The following SSBP4 variants were observed in gnomAD, a reference collection of about 807,000 sequenced individuals.
The protein encoded by SSBP4 is single stranded DNA binding protein 4.
In SSBP4, 33 loss-of-function variants were observed where a neutral mutation model predicts 64.6. That is an observed-to-expected ratio of 0.51 (90% CI 0.39 to 0.68). The LOEUF (loss-of-function observed/expected upper bound fraction) is 0.68, where lower values mean the gene tolerates loss of function less well. Ranked by LOEUF, SSBP4 falls within the 30% of genes least tolerant of loss-of-function variation. The pLI is 0.00. For missense variants in SSBP4, 583 were observed against 566.8 expected (o/e 1.03, Z -0.29); for synonymous variants, 243 against 224.0 (o/e 1.08, Z -0.76).
chr19:18,433,375 G>C, intron 15 of SSBP4, 162 bp downstream of exon 15: 1 of 1,263,890 alleles, frequency 7.9e-7, no homozygotes, highest in Non-Finnish European at 1.1e-6. Flanking sequence ...AGCTGGAGGG[G>C]GATCCAGCGA....
At chr19:18,422,463 AGTGTTGGTTTGGAGGTGAG>A (rs1453418215) in intron 1 of SSBP4, among the ~76,000 whole-genome samples, 2 of 152,148 alleles carry the variant, frequency 1.3e-5, no homozygotes, top group Non-Finnish European at 2.9e-5. Flanking sequence ...GTCTCGTATA[AGTGTTGGTTTGGAGGTGAG>A]GTTCCTCTAT....
In SSBP4 at chr19:18,432,575, G is replaced by T; in HGVS notation, c.721G>T (p.Gly241Cys). Residue 241 changes from glycine (G) to cysteine (C), a missense_variant, in exon 11 of 18, where the codon GGC becomes TGC. Transcript: ENST00000270061. Reference sequence around the variant, plus strand: ...CTCTTCCAGGGGCCCAGGAGTTCGTGGCCCGTGGGCCAGCCCCAGTGGAAA... The same window carrying T: ...CTCTTCCAGGGGCCCAGGAGTTCGTTGCCCGTGGGCCAGCCCCAGTGGAAA... Reference protein sequence around the residue: ...PAMNMGPGVRGPWASPSGNSI... With the variant: ...PAMNMGPGVRCPWASPSGNSI... The T allele has an allele frequency of 6.3e-7, 1 of 1,576,492 alleles. No homozygotes were observed. The highest frequency in any genetic ancestry group is 8.6e-7 in the Non-Finnish European group (1 of 1,157,266).
At position 18,434,493 on chromosome 19, in the gene SSBP4, G is replaced by A. The variant is rs1238770262; in HGVS notation, c.*247G>A. 1.3e-6 allele frequency: 1 copy of A among 788,532 alleles called. No homozygotes were observed. 48.8% of individuals were successfully genotyped at this position (788,532 alleles called of 1,614,324 possible). Reference sequence around the variant, plus strand: ...GTCCCAGAGAGAAAGGCTCTTTGGGGGGCCCCTCTCCCCAGGACGTCAGGG... The same window carrying A: ...GTCCCAGAGAGAAAGGCTCTTTGGGAGGCCCCTCTCCCCAGGACGTCAGGG... On this transcript the variant is annotated 3_prime_UTR_variant, in exon 18 of 18. Transcript: ENST00000270061.
chr19:18,420,355 C>T (rs907305547), intron 1 of SSBP4, among the ~76,000 whole-genome samples: 8 of 152,054 alleles, frequency 5.3e-5, no homozygotes, highest in African/African-American at 1.7e-4. Context: ...CCCTTTTGTT[C>T]TGGGCGTGGC....
chr19:18,419,255 A>AC (rs1308588726), upstream of SSBP4: 37 of 987,976 alleles, frequency 3.7e-5, no homozygotes, highest in Non-Finnish European at 4.4e-5. Flanking sequence ...CCGCGCCCCC[A>AC]CCCCCCGCGG....
chr19:18,429,533 G>A (rs1973169976), intron 4 of SSBP4, among the ~76,000 whole-genome samples: 1 of 151,984 alleles, frequency 6.6e-6, no homozygotes, highest in Admixed American at 6.5e-5. Context: ...TGTGGCCCGT[G>A]AGGGGATTGC....
chr19:18,431,951 A>G (rs1212418070), intron 8 of SSBP4, 49 bp from the exon 9 acceptor site: 1 of 1,556,518 alleles, frequency 6.4e-7, no homozygotes, highest in Non-Finnish European at 8.7e-7. Context: ...CACTGTCCAC[A>G]CTGGGGAATG....
At chr19:18,421,169 C>T (rs752727139) in intron 1 of SSBP4, among the ~76,000 whole-genome samples, 30 of 152,254 alleles carry the variant, frequency 2.0e-4, no homozygotes, top group Non-Finnish European at 2.5e-4. Context: ...AGATGCCTGT[C>T]CCCTCTGCCC....
intron 1 of SSBP4, among the ~76,000 whole-genome samples, chr19:18,422,730 G>T (rs1024249988): frequency 6.6e-6 from 1 of 152,248 alleles, no homozygotes; most frequent in African/African-American, 2.4e-5. Flanking sequence ...GCAGCCACGC[G>T]GCTCTCAGGA....
chr19:18,422,280 C>A (rs560773136), intron 1 of SSBP4, among the ~76,000 whole-genome samples: 1 of 152,288 alleles, frequency 6.6e-6, no homozygotes, highest in South Asian at 2.1e-4. Context: ...TAGCTGCATT[C>A]CTGGCCCCCT....
chr19:18,434,024 C>G, intron 17 of SSBP4, 193 bp from the exon 18 acceptor site: 1 of 1,173,018 alleles, frequency 8.5e-7, no homozygotes, highest in Non-Finnish European at 1.1e-6. Flanking sequence ...CCGATCCCAT[C>G]CGCCCCCACC....
intron 1 of SSBP4, among the ~76,000 whole-genome samples, chr19:18,421,344 C>G (rs954770469): frequency 6.6e-6 from 1 of 152,230 alleles, no homozygotes; most frequent in Admixed American, 6.5e-5. Flanking sequence ...GGCTCCTGCT[C>G]AGGTCGGAAG....
intron 17 of SSBP4, 31 bp from the exon 18 acceptor site, chr19:18,434,186 C>G: frequency 6.2e-7 from 1 of 1,610,024 alleles, no homozygotes. Context: ...TGAACTCGGC[C>G]CCTGCGCGCT....
chr19:18,412,373 T>C, the SSBP4 span, among the ~76,000 whole-genome samples: 1 of 148,342 alleles, frequency 6.7e-6, no homozygotes, highest in African/African-American at 2.5e-5. Flanking sequence ...AGGCAGAGAA[T>C]TGCTTGAACT....
At position 18,434,369 on chromosome 19, in the gene SSBP4, T is replaced by C; in HGVS notation, c.*123T>C. 1 of 1,480,298 alleles carries C rather than the reference T, an allele frequency of 6.8e-7. No homozygotes were observed. Among genetic ancestry groups the C allele is most frequent in the East Asian group, 2.5e-5 (1 of 40,500 alleles). 91.7% of individuals were successfully genotyped at this position (1,480,298 alleles called of 1,614,324 possible). A position where few individuals can be genotyped will look rare whatever the true frequency, so the allele number is the denominator to read the frequency against. On this transcript the variant is annotated 3_prime_UTR_variant, in exon 18 of 18. Coordinates refer to ENST00000270061, the MANE Select transcript of SSBP4 (RefSeq NM_032627.5). Reference sequence around the variant, plus strand: ...CCTGGCCAATCAAGGCTTGCCCAGCTGGGAGGCCCCACACGAAAGACTCTT... The same window carrying C: ...CCTGGCCAATCAAGGCTTGCCCAGCCGGGAGGCCCCACACGAAAGACTCTT...
upstream of SSBP4, among the ~76,000 whole-genome samples, chr19:18,415,175 C>A (rs1297051063): frequency 6.6e-6 from 1 of 151,958 alleles, no homozygotes; most frequent in Non-Finnish European, 1.5e-5. Context: ...CCCATAATTA[C>A]AGCTTCTGAG....
the SSBP4 span, among the ~76,000 whole-genome samples, chr19:18,407,736 A>C: frequency 6.7e-6 from 1 of 150,370 alleles, no homozygotes; most frequent in Non-Finnish European, 1.5e-5. Flanking sequence ...CGGCCTTAGT[A>C]ATTTTTGTTT....
chr19:18,430,398 C>T (rs1315023363), intron 4 of SSBP4, among the ~76,000 whole-genome samples: 3 of 152,194 alleles, frequency 2.0e-5, no homozygotes, highest in Non-Finnish European at 4.4e-5. Flanking sequence ...ATGGGGACCC[C>T]ACCCCAGAAT....
rs1267662708 is a variant in SSBP4 at position 18,419,561 on chromosome 19, G to A, written c.-88G>A. The A allele has an allele frequency of 3.4e-6, 4 of 1,182,424 alleles. No individual in the cohort carries two copies. The highest frequency in any genetic ancestry group is 2.9e-5 in the South Asian group (1 of 34,548). 73.2% of individuals were successfully genotyped at this position (1,182,424 alleles called of 1,614,324 possible). The stretch of plus-strand genomic sequence containing the variant: ...CCTGGGGCTCGGGGCGGTGAGGCCC[G>A]GGGCGCGGGGTAGCTATGGCGACGG... On this transcript the variant is annotated 5_prime_UTR_variant, in exon 1 of 18. Transcript: ENST00000270061.
Sources: gnomAD v4.1 joint callset for allele counts (sites outside exome capture counted in the v4.1 genomes callset) on GRCh38, gnomAD v4.1.1 for gene constraint, MANE v1.5 for transcripts, NCBI Gene and HGNC (gene_info 2026-07-23, HGNC 2026-07-21) for gene names.